The following RNF126 variants were observed in gnomAD, a reference collection of about 807,000 sequenced individuals.
RNF126 encodes ring finger protein 126.
RNF126 carries 20 observed loss-of-function variants against 41.9 expected under a neutral mutation model. That is an observed-to-expected ratio of 0.48 (90% CI 0.34 to 0.69). RNF126 has a LOEUF of 0.69. Among genes scored for constraint, RNF126 ranks in the 30% least tolerant of loss-of-function variants. The pLI is 0.01. For synonymous variants in RNF126, 239 were observed against 202.9 expected, an observed-to-expected ratio of 1.18 and a Z score of -1.51; for missense variants, 433 against 460.6, an observed-to-expected ratio of 0.94 and a Z score of 0.55.
rs376111036 is a variant in RNF126 at position 650,320 on chromosome 19, G to A, written c.444-24C>T. 1,250 of 1,565,478 alleles carry A rather than the reference G, an allele frequency of 8.0e-4. 4 individuals are homozygous for A. Among genetic ancestry groups the A allele is most frequent in the Admixed American group, 2.0e-3 (102 of 51,274 alleles). On this transcript the variant is annotated intron_variant, in intron 4 of 8. Coordinates refer to ENST00000292363, the MANE Select transcript of RNF126 (RefSeq NM_194460.3). ...TCCTGGAAAAGAGAGCGCCAGTCAC[G>A]GGGTGAGGCCGCCCCACGCACAGGA...
At chr19:655,589 A>G (rs1254256558) in intron 1 of RNF126, among the ~76,000 whole-genome samples, 1 of 152,084 alleles carries the variant, frequency 6.6e-6, no homozygotes, top group Non-Finnish European at 1.5e-5. Flanking sequence ...GCCACTTCCC[A>G]GGGCCAGCCA....
chr19:649,604 G>T, intron 6 of RNF126, 75 bp downstream of exon 6: 1 of 1,224,170 alleles, frequency 8.2e-7, no homozygotes, highest in Non-Finnish European at 1.2e-6. Flanking sequence ...GTGGGTCCAG[G>T]CAGTGGGGCA....
chr19:651,429 T>C (rs2030281166), intron 4 of RNF126, 182 bp downstream of exon 4: 6 of 524,900 alleles, frequency 1.1e-5, no homozygotes, highest in Admixed American at 4.4e-5. Flanking sequence ...TGAACCGGCA[T>C]ACTTCTGTCT....
intron 1 of RNF126, among the ~76,000 whole-genome samples, chr19:658,368 A>G (rs2040739): frequency 0.76 from 115,141 of 152,092 alleles, 43,970 homozygotes; most frequent in East Asian, 0.97. Context: ...GACAGTGACC[A>G]GGGCAGGCAG....
At chr19:648,663 G>C (rs1489710040) in intron 7 of RNF126, among the ~76,000 whole-genome samples, 176 bp from the exon 8 acceptor site, 8 of 152,292 alleles carry the variant, frequency 5.3e-5, no homozygotes, top group Middle Eastern at 6.8e-3. Flanking sequence ...TCTCCTCCCA[G>C]CCCACCTTCA....
rs1487651624 is a variant in RNF126 at position 652,262 on chromosome 19, G to C, written c.169C>G (p.Pro57Ala). The C allele has an allele frequency of 1.3e-6, 2 of 1,551,414 alleles. No individual in the cohort carries two copies. The highest frequency in any genetic ancestry group is 1.7e-6 in the Non-Finnish European group (2 of 1,158,518). The change falls in exon 3 of 9, where the codon CCC becomes GCC. Residue 57 changes from proline (P) to alanine (A), a missense_variant. Pro to Ala is a conservative substitution (Grantham distance 27, BLOSUM62 -1). Transcript: ENST00000292363. The part of the protein sequence containing the change: ...TENGSAPSTA[P>A]TDQSRPPLEH... Reference sequence around the variant, plus strand: ...AACGGTGGCCGGCTCTGGTCTGTGGGAGCTGTGGAGGGGGCAGAACCATTT... The same window carrying C: ...AACGGTGGCCGGCTCTGGTCTGTGGCAGCTGTGGAGGGGGCAGAACCATTT...
intron 5 of RNF126, 109 bp downstream of exon 5, chr19:650,125 C>T: frequency 1.1e-6 from 1 of 891,504 alleles, no homozygotes; most frequent in Non-Finnish European, 1.7e-6. Flanking sequence ...TGGGGACAGG[C>T]ACCCCCTCCT....
rs534316033 is a variant in RNF126 at position 651,551 on chromosome 19, C to T, written c.443+60G>A. 602 of 1,368,900 alleles carry T rather than the reference C, an allele frequency of 4.4e-4. 2 individuals are homozygous for T. The highest frequency in any genetic ancestry group is 2.4e-3 in the African/African-American group (160 of 65,470). 84.8% of individuals were successfully genotyped at this position (1,368,900 alleles called of 1,614,324 possible). On this transcript the variant is annotated intron_variant, in intron 4 of 8. Transcript: ENST00000292363. ...CGTGGAACCCGTGCTGGATTCTAAGCGCCAGAACTTCCGACCTCAAGGCGT... is the reference window on the plus strand; with the variant it reads ...CGTGGAACCCGTGCTGGATTCTAAGTGCCAGAACTTCCGACCTCAAGGCGT...
chr19:652,842 G>C lies in RNF126; in HGVS notation c.118C>G (p.Leu40Val), dbSNP rs771113847. ...PRCESGFIEE[L>V]PEETRSTENG... ...CTGCATTACCTGGTCTCTTCCGGAA[G>C]CTCCTCGATAAAACCAGACTCGCAT... Residue 40 changes from leucine (L) to valine (V), a missense_variant, in exon 2 of 9, where the codon CTT becomes GTT. Leu to Val is a conservative substitution (Grantham distance 32). This residue lies in a region of RNF126 where 247 missense variants were observed against 224.7 expected (regional missense o/e 1.10). Transcript: ENST00000292363. The C allele has an allele frequency of 6.2e-7, 1 of 1,613,236 alleles. No individual in the cohort carries two copies. The highest frequency in any genetic ancestry group is 8.5e-7 in the Non-Finnish European group (1 of 1,179,750).
chr19:648,082 G>C lies in RNF126; in HGVS notation c.*46C>G. The C allele has an allele frequency of 6.6e-7, 1 of 1,513,566 alleles. No homozygotes were observed. The highest frequency in any genetic ancestry group is 8.9e-7 in the Non-Finnish European group (1 of 1,129,774). 93.8% of individuals were successfully genotyped at this position (1,513,566 alleles called of 1,614,324 possible). On this transcript the variant is annotated 3_prime_UTR_variant, in exon 9 of 9. Transcript: ENST00000292363. Reference sequence around the variant, plus strand: ...GTGGGTGCCGTGTGGCGCTGGCTGAGGGTGGGTGGGAAAGGCCCCGTGCTT... The same window carrying C: ...GTGGGTGCCGTGTGGCGCTGGCTGACGGTGGGTGGGAAAGGCCCCGTGCTT...
chr19:652,617 T>C (rs2030367362), intron 2 of RNF126: 1 of 611,864 alleles, frequency 1.6e-6, no homozygotes, highest in Non-Finnish European at 2.9e-6. Flanking sequence ...GCTGCACAGG[T>C]TGCCGGCACT....
rs374339848 is a variant in RNF126, at chr19:649,730, G to A, written c.525C>T (p.Asn175=). The A allele has an allele frequency of 2.0e-5, 31 of 1,570,756 alleles. No homozygotes were observed. In the South Asian group the frequency reaches 3.5e-4, roughly 18 times the overall value. Residue 175 remains asparagine, a synonymous_variant, in exon 6 of 9, where the codon AAC becomes AAT. Coordinates refer to ENST00000292363, the MANE Select transcript of RNF126 (RefSeq NM_194460.3). ...TGGCCCCCCAGGCGTAGTCCATAGG[G>A]TTTGAGTGCAGGACTCCCCTGGAGG... The part of the protein sequence containing the change: ...SLGPWGVLHS[N]PMDYAWGANG...
chr19:651,602 C>G lies in RNF126; in HGVS notation c.443+9G>C, dbSNP rs765156086. The G allele has an allele frequency of 2.1e-5, 30 of 1,409,656 alleles. No homozygotes were observed. The highest frequency in any genetic ancestry group is 2.5e-5 in the Non-Finnish European group (27 of 1,086,334). The allele number at this position is 1,409,656 out of a possible 1,614,324, so 87.3% of individuals were successfully genotyped here. On this transcript the variant is annotated intron_variant, in intron 4 of 8. Coordinates refer to ENST00000292363, the MANE Select transcript of RNF126 (RefSeq NM_194460.3). The stretch of plus-strand genomic sequence containing the variant: ...GGGGCCCTCGCGGCCACCCCCGGGG[C>G]CCCCTCACCCTTCCAGCGTGGGGAC...
intron 4 of RNF126, chr19:650,503 A>C: frequency 2.1e-6 from 1 of 470,896 alleles, no homozygotes; most frequent in Non-Finnish European, 3.7e-6. Flanking sequence ...CTGCAGCCCC[A>C]ACCTGCTGGG....
In RNF126 at chr19:652,260, G is replaced by A. The variant is rs770620677; in HGVS notation, c.171C>T (p.Pro57=). 1.3e-6 allele frequency: 2 copies of A among 1,550,524 alleles called. No individual in the cohort carries two copies. The highest frequency in any genetic ancestry group is 2.8e-5 in the African/African-American group (2 of 72,012). The change falls in exon 3 of 9, where the codon CCC becomes CCT. Residue 57 remains proline (P), a synonymous_variant. Transcript: ENST00000292363. ...TENGSAPSTA[P]TDQSRPPLEH... The stretch of plus-strand genomic sequence containing the variant: ...CCAACGGTGGCCGGCTCTGGTCTGT[G>A]GGAGCTGTGGAGGGGGCAGAACCAT...
chr19:653,125 G>T lies in RNF126; in HGVS notation c.76-241C>A, dbSNP rs147513802. Among the ~76,000 whole-genome samples, 12 of 149,916 alleles carry T rather than the reference G, an allele frequency of 8.0e-5. No homozygotes were observed. The East Asian group carries it at 2.3e-3, about 29-fold the overall frequency. On this transcript the variant is annotated intron_variant, in intron 1 of 8. Coordinates refer to ENST00000292363, the MANE Select transcript of RNF126 (RefSeq NM_194460.3). ...TGAGCCCCTCCGACCTGGCCCCACC[G>T]TGACGGGCGTCACCAGCGTCATCAG...
At position 649,381 on chromosome 19, in the gene RNF126, C is replaced by T. The variant is rs181843600; in HGVS notation, c.576+298G>A. The T allele has an allele frequency of 1.5e-3, 690 of 451,326 alleles. 3 individuals carry two copies. Among genetic ancestry groups the T allele is most frequent in the Non-Finnish European group, 2.3e-3 (573 of 250,712 alleles). The allele number at this position is 451,326 out of a possible 1,614,324, so 28.0% of individuals were successfully genotyped here. ...TGGCACTTGGAAGCAGGTCAGGGCG[C>T]GACCTCTCGGGAAGAGGGACCGCGT... On this transcript the variant is annotated intron_variant, in intron 6 of 8. Coordinates refer to ENST00000292363, the MANE Select transcript of RNF126 (RefSeq NM_194460.3).
Position 647,960 on chromosome 19 carries a change from CCAGG to C in RNF126, c.*164_*167del, listed in dbSNP as rs2030038558. On this transcript the variant is annotated 3_prime_UTR_variant, in exon 9 of 9. Coordinates refer to ENST00000292363, the MANE Select transcript of RNF126 (RefSeq NM_194460.3). ...ACCATGTGGCCCACGCCTTCCCAAG[CCAGG>C]GGGCCGGTGGGCCGGGCCCGGGTCC... 1.2e-6 allele frequency: 1 copy of C among 847,454 alleles called. No homozygotes were observed. The highest frequency in any genetic ancestry group is 1.7e-5 in the African/African-American group (1 of 58,252). 52.5% of individuals were successfully genotyped at this position (847,454 alleles called of 1,614,324 possible).
At chr19:656,977 G>A (rs889976860) in intron 1 of RNF126, among the ~76,000 whole-genome samples, 7 of 152,180 alleles carry the variant, frequency 4.6e-5, no homozygotes. Flanking sequence ...GGGAATGGAG[G>A]GGTAGCTCAG....
Sources: allele counts gnomAD v4.1 joint callset (sites outside exome capture counted in the v4.1 genomes callset), GRCh38; gene constraint gnomAD v4.1.1; regional missense constraint gnomAD v4.1.1; transcripts MANE v1.5; gene names NCBI Gene and HGNC (gene_info 2026-07-23, HGNC 2026-07-21).